TRAPPC9: variants seen among roughly 807,000 people sequenced by gnomAD.
TRAPPC9 encodes IKK2 binding protein.
TRAPPC9 carries 83 observed loss-of-function variants against 124.0 expected under a neutral mutation model. The observed-to-expected ratio is 0.67, with a 90% CI of 0.56 to 0.80. The LOEUF (loss-of-function observed/expected upper bound fraction) is 0.80, where lower values mean the gene tolerates loss of function less well. TRAPPC9 is among the 30% of genes least tolerant of loss of function. The pLI, the probability that TRAPPC9 is intolerant of heterozygous loss-of-function variation, is 0.00. For missense variants in TRAPPC9, 1,302 were observed against 1,508.3 expected (o/e 0.86, Z 2.27); for synonymous variants, 638 against 617.5 (o/e 1.03, Z -0.49).
chr8:140,259,026 C>T (rs1001586329), intron 15 of TRAPPC9, among the ~76,000 whole-genome samples: 5 of 152,244 alleles, frequency 3.3e-5, no homozygotes, highest in African/African-American at 4.8e-5. Flanking sequence ...GCTCAGCCCA[C>T]CCCGCGGAGG....
At chr8:140,244,766 C>T (rs562252935) in intron 16 of TRAPPC9, among the ~76,000 whole-genome samples, 2 of 148,800 alleles carry the variant, frequency 1.3e-5, no homozygotes, top group African/African-American at 5.0e-5. Context: ...CTGTCTGTTA[C>T]GCAGAAGTAT....
rs561783638 is a variant in TRAPPC9 at position 140,063,374 on chromosome 8, C to A, written c.2557-39295G>T. On this transcript the variant is annotated intron_variant, in intron 17 of 22. Coordinates refer to ENST00000438773, the MANE Select transcript of TRAPPC9 (RefSeq NM_001160372.4). This position sits in a 1 kb window ranked among gnomAD's most constrained non-coding sequence, Gnocchi z 4.3. The stretch of plus-strand genomic sequence containing the variant: ...CAATTCTCACGTACCTTTCACGAGC[C>A]AGGTAACACGGTACTCACTTTGAGA... Among the ~76,000 whole-genome samples, 19 of 152,284 alleles carry A rather than the reference C, an allele frequency of 1.2e-4. No individual in the cohort carries two copies. In the South Asian group the frequency reaches 2.7e-3, roughly 22 times the overall value.
intron 15 of TRAPPC9, among the ~76,000 whole-genome samples, chr8:140,273,312 G>A (rs947163442): frequency 1.3e-5 from 2 of 152,184 alleles, no homozygotes; most frequent in African/African-American, 2.4e-5. Context: ...CAAACACTCT[G>A]CACCTGTCAG....
intron 6 of TRAPPC9, among the ~76,000 whole-genome samples, chr8:140,401,094 T>A (rs1422354539): frequency 6.6e-6 from 1 of 152,136 alleles, no homozygotes; most frequent in Non-Finnish European, 1.5e-5. Flanking sequence ...GGGCATTAGG[T>A]CATGTGAAAA....
At chr8:139,977,330 A>C (rs1243636928) in intron 19 of TRAPPC9, among the ~76,000 whole-genome samples, 2 of 152,062 alleles carry the variant, frequency 1.3e-5, no homozygotes, top group Non-Finnish European at 2.9e-5. Flanking sequence ...GCTTCGAAAA[A>C]AAATGCTGAG....
chr8:140,013,384 C>G (rs1346941820), intron 18 of TRAPPC9, among the ~76,000 whole-genome samples: 2 of 152,230 alleles, frequency 1.3e-5, no homozygotes, highest in African/African-American at 4.8e-5. Context: ...AAACAAACAA[C>G]TCAAATCCCA....
intron 21 of TRAPPC9, among the ~76,000 whole-genome samples, chr8:139,757,587 C>T (rs1819938350): frequency 6.6e-6 from 1 of 151,990 alleles, no homozygotes; most frequent in African/African-American, 2.4e-5. Context: ...TGGCATGTCG[C>T]AGGGGCCCTG....
At chr8:140,430,273 T>C (rs564327442) in intron 4 of TRAPPC9, among the ~76,000 whole-genome samples, 2 of 152,194 alleles carry the variant, frequency 1.3e-5, no homozygotes, top group Non-Finnish European at 2.9e-5. Context: ...AAGAAAGAAC[T>C]GTCACCCCAT....
At chr8:140,331,969 G>A (rs2066904785) in intron 9 of TRAPPC9, among the ~76,000 whole-genome samples, 1 of 152,150 alleles carries the variant, frequency 6.6e-6, no homozygotes, top group Admixed American at 6.5e-5. Flanking sequence ...CAATCCCACT[G>A]CTGGGATTTC....
At chr8:140,371,237 A>C (rs2068273755) in intron 7 of TRAPPC9, 57 bp from the exon 8 acceptor site, 6 of 1,468,526 alleles carry the variant, frequency 4.1e-6, no homozygotes, top group South Asian at 2.4e-5. Flanking sequence ...GTGAAAAAAG[A>C]AGCACACATT....
intron 5 of TRAPPC9, among the ~76,000 whole-genome samples, chr8:140,419,337 G>C (rs912805638): frequency 6.7e-6 from 1 of 148,852 alleles, no homozygotes; most frequent in Non-Finnish European, 1.5e-5. Context: ...GCTGAGGCAG[G>C]AGAATGGCGT....
intron 21 of TRAPPC9, among the ~76,000 whole-genome samples, chr8:139,791,259 ACT>A (rs1206446043): frequency 6.6e-6 from 1 of 151,888 alleles, no homozygotes; most frequent in African/African-American, 2.4e-5. Flanking sequence ...TAACACGCAG[ACT>A]CACACACACA....
chr8:140,163,083 C>T (rs1455656379), intron 17 of TRAPPC9, among the ~76,000 whole-genome samples: 1 of 152,238 alleles, frequency 6.6e-6, no homozygotes, highest in African/African-American at 2.4e-5. Context: ...ATAGTCCACA[C>T]TCTTTCAGCT....
intron 17 of TRAPPC9, among the ~76,000 whole-genome samples, chr8:140,116,967 C>T (rs2060900670): frequency 6.6e-6 from 1 of 151,796 alleles, no homozygotes; most frequent in Admixed American, 6.6e-5. Context: ...TTCAGGCTCT[C>T]CCACACCAAC....
At chr8:140,278,574 G>A (rs1462832851) in intron 14 of TRAPPC9, among the ~76,000 whole-genome samples, 16 of 152,250 alleles carry the variant, frequency 1.1e-4, no homozygotes, top group Non-Finnish European at 2.9e-5. Flanking sequence ...CTGGGACAGA[G>A]TGGCCTGCTG....
chr8:139,895,075 C>T (rs1403179174), intron 20 of TRAPPC9, among the ~76,000 whole-genome samples: 2 of 152,208 alleles, frequency 1.3e-5, no homozygotes, highest in African/African-American at 4.8e-5. Flanking sequence ...CCGGGCTACT[C>T]GGGGACAGAA....
At chr8:139,998,856 G>C (rs1202094434) in intron 18 of TRAPPC9, among the ~76,000 whole-genome samples, 1 of 152,036 alleles carries the variant, frequency 6.6e-6, no homozygotes, top group African/African-American at 2.4e-5. Flanking sequence ...ACATGAGGAG[G>C]GGAAAGATAA....
At chr8:139,863,849 G>A (rs896908539) in intron 21 of TRAPPC9, among the ~76,000 whole-genome samples, 1 of 152,248 alleles carries the variant, frequency 6.6e-6, no homozygotes, top group Non-Finnish European at 1.5e-5. Context: ...GGGATATGGA[G>A]CGGGCAAGGA....
In TRAPPC9 at chr8:139,984,709, C is replaced by T. The variant is rs547892854; in HGVS notation, c.2810+4017G>A. On this transcript the variant is annotated intron_variant, in intron 19 of 22. Transcript: ENST00000438773. The surrounding 1 kb of genome is among the most constrained non-coding windows in gnomAD (Gnocchi z 4.3). ...AGTGTGCATCTGACCCACAGGAGGC[C>T]GGTGAGGCACTGAGAGAGGTTTGGG... Among the ~76,000 whole-genome samples the T allele has an allele frequency of 5.9e-5, 9 of 152,218 alleles. 1 individual carries two copies. The East Asian group carries it at 7.7e-4, about 13-fold the overall frequency.
Sources: gnomAD v4.1 joint callset for allele counts (sites outside exome capture counted in the v4.1 genomes callset) on GRCh38, gnomAD v4.1.1 for gene constraint, Gnocchi (gnomAD v3.1) non-coding constraint, MANE v1.5 for transcripts, NCBI Gene and HGNC (gene_info 2026-07-23, HGNC 2026-07-21) for gene names.